The following KCTD2 variants were observed in gnomAD, a reference collection of about 807,000 sequenced individuals.
The protein encoded by KCTD2 is potassium channel tetramerization domain containing 2.
In KCTD2, 18 loss-of-function variants were observed where a neutral mutation model predicts 27.9. The ratio of observed to expected loss-of-function variants is 0.64; its 90% CI spans 0.45 to 0.96. The LOEUF is 0.96. Among genes scored for constraint, KCTD2 ranks in the 40% least tolerant of loss-of-function variants. The pLI is 0.00. For missense variants in KCTD2, 280 were observed against 348.0 expected (o/e 0.80, Z 1.56); for synonymous variants, 175 against 148.4 (o/e 1.18, Z -1.30).
At chr17:75,035,655 TAAAAATAC>T (rs1300210743) in intron 3 of KCTD2, among the ~76,000 whole-genome samples, 24 of 152,010 alleles carry the variant, frequency 1.6e-4, no homozygotes, top group Admixed American at 4.6e-4. Flanking sequence ...CCGTCTCTAC[TAAAAATAC>T]AAAAATACAA....
At chr17:75,045,468 C>T (rs1184454407), upstream of KCTD2, among the ~76,000 whole-genome samples, 2 of 152,186 alleles carry the variant, frequency 1.3e-5, no homozygotes, top group Non-Finnish European at 2.9e-5. Flanking sequence ...TTATTTCACC[C>T]CTGCAGTCTC....
chr17:75,045,536 C>A (rs1006299337), upstream of KCTD2, among the ~76,000 whole-genome samples: 2 of 152,212 alleles, frequency 1.3e-5, no homozygotes, highest in African/African-American at 4.8e-5. Context: ...CCCCTAGGTG[C>A]GCATTCTCTT....
rs1269386722 is a variant in KCTD2 at position 75,049,325 on chromosome 17, G to A, written c.445G>A (p.Glu149Lys). The change falls in exon 2 of 6, where the codon GAA (glutamate) becomes AAA (lysine). Residue 149 changes from glutamate (E) to lysine (K), a missense_variant. Glu to Lys is a moderately conservative substitution (Grantham distance 56). Coordinates refer to ENST00000322444, the MANE Select transcript of KCTD2 (RefSeq NM_015353.3). ...CATCATCACTAAGGAGTTGGCAGAA[G>A]AAGGTAAGCGCACTGTTTGCATTGG... ...KLIITKELAEEGVLEEAEFYN... is the reference protein window; with the variant it reads ...KLIITKELAEKGVLEEAEFYN... 4 of 1,584,256 alleles carry A rather than the reference G, an allele frequency of 2.5e-6. No individual in the cohort carries two copies. The highest frequency in any genetic ancestry group is 3.5e-6 in the Non-Finnish European group (4 of 1,153,348).
chr17:75,040,210 C>A (rs1259268947), intron 3 of KCTD2: 2 of 1,610,962 alleles, frequency 1.2e-6, no homozygotes, highest in Non-Finnish European at 1.7e-6. Context: ...AAACTACAAA[C>A]ACAAGGACAG....
chr17:75,064,611 TG>T lies in KCTD2; in HGVS notation c.*1565del. ...CTCAGTCTCCTTGTTTCTCTGTATC[TG>T]TAGCATAGCATAGAACCCGGTATAC... On this transcript the variant is annotated 3_prime_UTR_variant, in exon 6 of 6. Transcript: ENST00000322444. 1 of 152,368 alleles carries T rather than the reference TG, an allele frequency of 6.6e-6. No individual in the cohort carries two copies. Among genetic ancestry groups the T allele is most frequent in the Non-Finnish European group, 1.5e-5 (1 of 68,042 alleles). The allele number at this position is 152,368 out of a possible 1,614,324, so 9.4% of individuals were successfully genotyped here. A position where few individuals can be genotyped will look rare whatever the true frequency, so the allele number is the denominator to read the frequency against.
intron 4 of KCTD2, among the ~76,000 whole-genome samples, chr17:75,061,233 G>A (rs972404684): frequency 2.6e-5 from 4 of 152,196 alleles, no homozygotes; most frequent in African/African-American, 4.8e-5. Context: ...CAGCCATGCC[G>A]CCCATGTGAG....
intron 3 of KCTD2, among the ~76,000 whole-genome samples, chr17:75,057,209 C>T (rs2144936845): frequency 6.6e-6 from 1 of 152,246 alleles, no homozygotes; most frequent in South Asian, 2.1e-4. Context: ...CAACCTCAGC[C>T]TCCCAAAGTG....
chr17:75,047,542 CTCT>C lies in KCTD2; in HGVS notation c.293_295del (p.Leu98_Cys99delinsArg). 1 of 1,611,714 alleles carries C rather than the reference CTCT, an allele frequency of 6.2e-7. No individual in the cohort carries two copies. The highest frequency in any genetic ancestry group is 8.5e-7 in the Non-Finnish European group (1 of 1,179,470). On this transcript the variant is annotated inframe_deletion, in exon 1 of 6. Transcript: ENST00000322444. Reference sequence around the variant, plus strand: ...CTTAGGCCGGGAGCCCAAGTCATTTCTCTGCCGCCTCTGCTGCCAGGAGGACCC... The same window carrying C: ...CTTAGGCCGGGAGCCCAAGTCATTTCGCCGCCTCTGCTGCCAGGAGGACCC...
At chr17:75,043,684 AAC>A (rs1428244720), upstream of KCTD2, among the ~76,000 whole-genome samples, 7 of 152,074 alleles carry the variant, frequency 4.6e-5, no homozygotes, top group Non-Finnish European at 5.9e-5. Flanking sequence ...TACTAAAAAT[AAC>A]ACTCTTATTG....
intron 3 of KCTD2, among the ~76,000 whole-genome samples, chr17:75,054,134 C>A (rs534596607): frequency 6.6e-6 from 1 of 151,958 alleles, no homozygotes; most frequent in South Asian, 2.1e-4. Context: ...TTTCCTACCT[C>A]AGCCTACCGA....
chr17:75,049,073 A>G (rs1232179440), intron 1 of KCTD2, 147 bp from the exon 2 acceptor site: 2 of 540,808 alleles, frequency 3.7e-6, no homozygotes, highest in Admixed American at 6.4e-5. Context: ...CAAATGTGTA[A>G]CAAAATTTGC....
rs566181240 is a variant in KCTD2, at chr17:75,064,133, C to A, written c.*1086C>A. Reference sequence around the variant, plus strand: ...ATGTATGTGCTAGGCAGTCTGGGGACCCCCTGTGTCTCTGACCACCCCCCT... The same window carrying A: ...ATGTATGTGCTAGGCAGTCTGGGGAACCCCTGTGTCTCTGACCACCCCCCT... On this transcript the variant is annotated 3_prime_UTR_variant, in exon 6 of 6. Transcript: ENST00000322444. The A allele has an allele frequency of 6.5e-6, 1 of 152,836 alleles. No individual in the cohort carries two copies. Among genetic ancestry groups the A allele is most frequent in the Admixed American group, 6.5e-5 (1 of 15,304 alleles). 9.5% of individuals were successfully genotyped at this position (152,836 alleles called of 1,614,324 possible).
At chr17:75,042,290 A>T, upstream of KCTD2, 1 of 1,612,948 alleles carries the variant, frequency 6.2e-7, no homozygotes, top group Non-Finnish European at 8.5e-7. Context: ...GCCCACAAGG[A>T]AAGGCAAAAG....
chr17:75,043,569 C>T (rs1461685175), upstream of KCTD2, among the ~76,000 whole-genome samples: 4 of 149,078 alleles, frequency 2.7e-5, no homozygotes, highest in African/African-American at 9.9e-5. Context: ...GCTGAGATAG[C>T]GCCATTGCAC....
At chr17:75,057,366 T>A (rs1450657800) in intron 3 of KCTD2, among the ~76,000 whole-genome samples, 1 of 152,182 alleles carries the variant, frequency 6.6e-6, no homozygotes, top group African/African-American at 2.4e-5. Flanking sequence ...GCATCTTAAA[T>A]ACCTGGGACT....
At chr17:75,056,931 GTTTCTTTTTT>G (rs944532789) in intron 3 of KCTD2, among the ~76,000 whole-genome samples, 1 of 136,768 alleles carries the variant, frequency 7.3e-6, no homozygotes, top group Non-Finnish European at 1.6e-5. Flanking sequence ...ACTTTCCTCT[GTTTCTTTTTT>G]TTTCTTTTTT....
chr17:75,039,395 C>A (rs2073135577), intron 3 of KCTD2: 1 of 838,210 alleles, frequency 1.2e-6, no homozygotes, highest in Non-Finnish European at 1.9e-6. Flanking sequence ...ACTGTGGTTA[C>A]CCTGAGTGGG....
chr17:75,043,611 CAAA>C (rs533075854), upstream of KCTD2, among the ~76,000 whole-genome samples: 2 of 80,686 alleles, frequency 2.5e-5, no homozygotes, highest in Admixed American at 1.5e-4. Context: ...GACTCTGTCT[CAAA>C]AAAAAAAAAA....
intron 2 of KCTD2, chr17:75,035,091 C>G (rs1030081452): frequency 2.6e-5 from 4 of 152,100 alleles, no homozygotes; most frequent in Admixed American, 1.3e-4. Flanking sequence ...ATTGGCCTCT[C>G]TAGGAGGTAG....
Sources: allele counts gnomAD v4.1 joint callset (sites outside exome capture counted in the v4.1 genomes callset), GRCh38; gene constraint gnomAD v4.1.1; transcripts MANE v1.5; gene names NCBI Gene and HGNC (gene_info 2026-07-23, HGNC 2026-07-21).